Variants in BSCL2 observed in about 807,000 individuals in gnomAD.
The protein encoded by BSCL2 is seipin.
A neutral mutation model predicts 57.4 loss-of-function variants in BSCL2; 41 were observed. The ratio of observed to expected loss-of-function variants is 0.71; its 90% CI spans 0.56 to 0.93. The LOEUF is 0.93. Among genes scored for constraint, BSCL2 ranks in the 40% least tolerant of loss-of-function variants. The probability of loss-of-function intolerance (pLI) is 0.00; values close to 1 mark genes in which losing one functional copy is unlikely to be tolerated. For synonymous variants in BSCL2, 237 were observed against 227.3 expected (o/e 1.04, Z -0.38); for missense variants, 539 against 586.7 (o/e 0.92, Z 0.84).
intron 3 of BSCL2, among the ~76,000 whole-genome samples, chr11:62,696,278 T>TTGTGTGTGTGTGTG (rs1197051764): frequency 0.11 from 14,930 of 136,142 alleles, 1,090 homozygotes; most frequent in South Asian, 0.19. Context: ...CATAAACTTT[T>TTGTGTGTGTGTGTG]TGTGTGTGTG....
At chr11:62,695,407 TAAA>T (rs779692168) in intron 3 of BSCL2, among the ~76,000 whole-genome samples, 8 of 136,212 alleles carry the variant, frequency 5.9e-5, no homozygotes, top group Non-Finnish European at 8.0e-5. Flanking sequence ...GGTAATGGGT[TAAA>T]AAAAAAAAAA....
At chr11:62,706,003 C>T (rs2083524360) in intron 1 of BSCL2, 1 of 217,072 alleles carries the variant, frequency 4.6e-6, no homozygotes, top group Non-Finnish European at 9.0e-6. Context: ...TGCGACTTGC[C>T]TAAGGTCGCA....
At position 62,707,213 on chromosome 11, in the gene BSCL2, G is replaced by A; in HGVS notation, c.-18C>T. The A allele has an allele frequency of 6.4e-7, 1 of 1,550,924 alleles. No homozygotes were observed. Among genetic ancestry groups the A allele is most frequent in the Non-Finnish European group, 8.7e-7 (1 of 1,145,818 alleles). On this transcript the variant is annotated 5_prime_UTR_variant, in exon 1 of 11. Transcript: ENST00000360796. ...GTAGACATCTTCCTGACGAGCCTCT[G>A]TTGACTCTGGATCTTCCACTGAGTC...
intron 3 of BSCL2, among the ~76,000 whole-genome samples, chr11:62,696,276 TTTTG>T (rs1309059939): frequency 1.2e-4 from 6 of 51,028 alleles, no homozygotes; most frequent in Non-Finnish European, 1.7e-4. Context: ...TTCATAAACT[TTTTG>T]TGTGTGTGTG....
intron 3 of BSCL2, among the ~76,000 whole-genome samples, chr11:62,697,909 C>CTTT (rs1193565203): frequency 7.1e-6 from 1 of 141,108 alleles, no homozygotes. Flanking sequence ...AATCCACATC[C>CTTT]TTTTTTTTTT....
At chr11:62,708,076 G>T, upstream of BSCL2, 1 of 587,328 alleles carries the variant, frequency 1.7e-6, no homozygotes, top group Non-Finnish European at 3.1e-6. Flanking sequence ...AATGATCTGT[G>T]GCCCAGGCCA....
intron 2 of BSCL2, among the ~76,000 whole-genome samples, chr11:62,703,719 A>G (rs1279756134): frequency 6.6e-6 from 1 of 152,042 alleles, no homozygotes; most frequent in Non-Finnish European, 1.5e-5. Flanking sequence ...GCTCTGCTTT[A>G]GAAACTATAG....
At position 62,690,807 on chromosome 11, in the gene BSCL2, G is replaced by C; in HGVS notation, c.1133C>G (p.Pro378Arg). ...QSDVTEDGES[P>R]EDPSGTEGQL... is the part of the protein sequence containing the mutation. The stretch of plus-strand genomic sequence containing the variant: ...CATACCTGTCCCTGAGGGATCTTCA[G>C]GGCTCTCACCATCCTCTGTAACATC... The change falls in exon 9 of 11, where the codon CCT becomes CGT. Residue 378 changes from proline to arginine, a missense_variant. Physicochemically the swap from Pro to Arg is moderately radical, Grantham distance 103. Around this residue, in one of 3 missense-constraint regions of BSCL2, gnomAD observed 248 missense variants for 239.9 expected, o/e 1.03. Coordinates refer to ENST00000360796, the MANE Select transcript of BSCL2 (RefSeq NM_001122955.4). 6.2e-7 allele frequency: 1 copy of C among 1,613,636 alleles called. No individual in the cohort carries two copies. Among genetic ancestry groups the C allele is most frequent in the Non-Finnish European group, 8.5e-7 (1 of 1,179,970 alleles).
chr11:62,708,421 T>C (rs754636142), upstream of BSCL2: 6 of 1,497,876 alleles, frequency 4.0e-6, no homozygotes, highest in Non-Finnish European at 3.7e-6. Context: ...CTGGCTCCCA[T>C]TAGTTGGCCA....
chr11:62,701,154 T>C (rs1590880058), intron 3 of BSCL2, among the ~76,000 whole-genome samples: 1 of 152,292 alleles, frequency 6.6e-6, no homozygotes, highest in East Asian at 1.9e-4. Context: ...TATAAATGCT[T>C]TCAAAACTCT....
chr11:62,695,062 C>T (rs1945416344), intron 3 of BSCL2, among the ~76,000 whole-genome samples: 1 of 152,184 alleles, frequency 6.6e-6, no homozygotes, highest in Admixed American at 6.5e-5. Flanking sequence ...TCCCCAGGGC[C>T]CAGCCTGTCC....
At chr11:62,709,219 G>T (rs959877648), upstream of BSCL2, 2 of 455,746 alleles carry the variant, frequency 4.4e-6, no homozygotes, top group African/African-American at 4.0e-5. Context: ...TCCTGTGTTA[G>T]AATTCTTGGG....
rs370926100 is a variant in BSCL2, at chr11:62,692,378, G to A, written c.861C>T (p.Leu287=). 4.2e-4 allele frequency: 684 copies of A among 1,614,128 alleles called. 1 individual carries two copies. The highest frequency in any genetic ancestry group is 1.4e-3 in the Admixed American group (83 of 60,026). The part of the protein sequence containing the change: ...YLRIHAHFTG[L]RYLLYNFPMT... Reference sequence around the variant, plus strand: ...GTTCACTCCAGTTGGCCCCTCACCTGAGCCCAGTGAAGTGCGCGTGGATGC... The same window carrying A: ...GTTCACTCCAGTTGGCCCCTCACCTAAGCCCAGTGAAGTGCGCGTGGATGC... Residue 287 remains leucine, a splice_region_variant and synonymous_variant, in exon 6 of 11, where the codon CTC becomes CTT. Coordinates refer to ENST00000360796, the MANE Select transcript of BSCL2 (RefSeq NM_001122955.4).
At chr11:62,692,335 C>G in intron 6 of BSCL2, 41 bp downstream of exon 6, 3 of 1,595,974 alleles carry the variant, frequency 1.9e-6, no homozygotes. Flanking sequence ...GGTTAGCCCC[C>G]GTGAAGAGTT....
chr11:62,705,183 G>A, intron 2 of BSCL2, 118 bp downstream of exon 2: 3 of 1,172,004 alleles, frequency 2.6e-6, no homozygotes, highest in Non-Finnish European at 3.7e-6. Context: ...GAGAGGCCCT[G>A]GAAGCACACC....
intron 3 of BSCL2, among the ~76,000 whole-genome samples, chr11:62,698,755 C>G (rs1444703239): frequency 6.6e-6 from 1 of 152,226 alleles, no homozygotes; most frequent in African/African-American, 2.4e-5. Flanking sequence ...CTCCCTCCCT[C>G]ATGTGACAGC....
intron 1 of BSCL2, chr11:62,706,121 C>T (rs1472564210): frequency 2.1e-5 from 16 of 764,460 alleles, no homozygotes; most frequent in Non-Finnish European, 2.6e-5. Context: ...ACCCCACGCC[C>T]GGCGGAGCGC....
chr11:62,700,155 C>G (rs1002941367), intron 3 of BSCL2, among the ~76,000 whole-genome samples: 1 of 146,716 alleles, frequency 6.8e-6, no homozygotes, highest in Admixed American at 6.8e-5. Context: ...CTTGGGAGAT[C>G]ACTTGAACCT....
intron 4 of BSCL2, among the ~76,000 whole-genome samples, chr11:62,694,195 CTTTTTTTTTTTT>C (rs71056545): frequency 6.4e-5 from 3 of 47,134 alleles, no homozygotes; most frequent in African/African-American, 1.6e-4. Flanking sequence ...CCCAGACATT[CTTTTTTTTTTTT>C]TTTTTTTTTT....
Sources: allele counts gnomAD v4.1 joint callset (sites outside exome capture counted in the v4.1 genomes callset), GRCh38; gene constraint gnomAD v4.1.1; regional missense constraint gnomAD v4.1.1; transcripts MANE v1.5; gene names NCBI Gene and HGNC (gene_info 2026-07-23, HGNC 2026-07-21).